The following CNTNAP4 variants were observed in gnomAD, a reference collection of about 807,000 sequenced individuals.
The protein encoded by CNTNAP4 is contactin associated protein family member 4.
A neutral mutation model predicts 148.4 loss-of-function variants in CNTNAP4; 98 were observed. The observed-to-expected ratio is 0.66, with a 90% confidence interval of 0.56 to 0.78. The LOEUF is 0.78. Ranked by LOEUF, CNTNAP4 falls within the 30% of genes least tolerant of loss-of-function variation. The probability of loss-of-function intolerance (pLI) is 0.00; values close to 1 mark genes in which losing one functional copy is unlikely to be tolerated. For synonymous variants in CNTNAP4, 730 were observed against 565.1 expected, an observed-to-expected ratio of 1.29 and a Z score of -4.14; for missense variants, 1,935 against 1,565.6, an observed-to-expected ratio of 1.24 and a Z score of -3.98.
intron 3 of CNTNAP4, among the ~76,000 whole-genome samples, chr16:76,366,117 C>G (rs565275220): frequency 6.6e-6 from 1 of 151,742 alleles, no homozygotes; most frequent in Non-Finnish European, 1.5e-5. Flanking sequence ...TTTTTAGTTT[C>G]GTGTCAAATT....
At chr16:76,529,658 C>G (rs1338470798) in intron 17 of CNTNAP4, among the ~76,000 whole-genome samples, 1 of 152,208 alleles carries the variant, frequency 6.6e-6, no homozygotes, top group East Asian at 1.9e-4. Flanking sequence ...CTTTGTGACT[C>G]TCACCTGGAG....
chr16:76,457,331 T>C (rs2080773727), intron 8 of CNTNAP4, among the ~76,000 whole-genome samples: 1 of 152,220 alleles, frequency 6.6e-6, no homozygotes, highest in African/African-American at 2.4e-5. Flanking sequence ...TGACAGGTAT[T>C]AAGTCTCCTC....
intron 3 of CNTNAP4, among the ~76,000 whole-genome samples, chr16:76,415,147 G>A (rs1158650081): frequency 1.3e-5 from 2 of 151,052 alleles, no homozygotes; most frequent in East Asian, 3.9e-4. Flanking sequence ...TAACACAAAT[G>A]TATTTATGAA....
At chr16:76,319,091 C>G (rs906760226) in intron 2 of CNTNAP4, among the ~76,000 whole-genome samples, 3 of 151,610 alleles carry the variant, frequency 2.0e-5, no homozygotes, top group Non-Finnish European at 4.4e-5. Flanking sequence ...GGAAGGGGAT[C>G]AAAAAAAGGC....
chr16:76,440,692 T>C (rs1911244), intron 4 of CNTNAP4, among the ~76,000 whole-genome samples: 52,812 of 152,020 alleles, frequency 0.35, 10,991 homozygotes, highest in Non-Finnish European at 0.45. Flanking sequence ...TTCCAGAGAT[T>C]CTAATTTGGT....
At chr16:76,289,340 G>A (rs1050115648) in intron 1 of CNTNAP4, among the ~76,000 whole-genome samples, 14 of 152,186 alleles carry the variant, frequency 9.2e-5, no homozygotes, top group African/African-American at 3.4e-4. Context: ...CAAGTCTTTT[G>A]TATTGGTTTT....
intron 15 of CNTNAP4, among the ~76,000 whole-genome samples, chr16:76,511,409 A>G (rs1405157403): frequency 6.6e-6 from 1 of 152,176 alleles, no homozygotes; most frequent in Non-Finnish European, 1.5e-5. Flanking sequence ...TGTAGGCAAT[A>G]AATAACTTTG....
At chr16:76,528,323 T>C (rs1234607488) in intron 17 of CNTNAP4, among the ~76,000 whole-genome samples, 2 of 152,180 alleles carry the variant, frequency 1.3e-5, no homozygotes, top group Non-Finnish European at 2.9e-5. Flanking sequence ...TACAGTGGTG[T>C]GGTGCAATCT....
At chr16:76,488,949 T>C (rs2082117990) in intron 12 of CNTNAP4, among the ~76,000 whole-genome samples, 1 of 152,130 alleles carries the variant, frequency 6.6e-6, no homozygotes, top group South Asian at 2.1e-4. Flanking sequence ...ATATTTTACT[T>C]TTGTGTTAGT....
chr16:76,419,392 C>T (rs1597477117), intron 3 of CNTNAP4, among the ~76,000 whole-genome samples: 1 of 152,024 alleles, frequency 6.6e-6, no homozygotes, highest in South Asian at 2.1e-4. Flanking sequence ...TTTCCCACTT[C>T]CTGACAGAGC....
chr16:76,306,996 A>G (rs149549042), intron 1 of CNTNAP4, among the ~76,000 whole-genome samples: 91 of 152,288 alleles, frequency 6.0e-4, no homozygotes, highest in Non-Finnish European at 9.9e-4. Flanking sequence ...TGTTTTCACA[A>G]TGCTTAAATA....
chr16:76,523,145 C>G (rs1025151597), intron 17 of CNTNAP4, among the ~76,000 whole-genome samples: 1 of 151,746 alleles, frequency 6.6e-6, no homozygotes, highest in Non-Finnish European at 1.5e-5. Context: ...ATTATGATAC[C>G]AGGAATGTTT....
At chr16:76,334,464 G>A (rs1963846791) in intron 2 of CNTNAP4, among the ~76,000 whole-genome samples, 1 of 152,080 alleles carries the variant, frequency 6.6e-6, no homozygotes, top group Admixed American at 6.5e-5. Context: ...CCCAAACTGT[G>A]TCTCTGATGA....
intron 1 of CNTNAP4, chr16:76,310,013 G>T: frequency 3.2e-6 from 2 of 630,870 alleles, no homozygotes; most frequent in Admixed American, 2.4e-5. Flanking sequence ...TTATTATTTG[G>T]CTTCTTGCAC....
chr16:76,309,812 A>C, intron 1 of CNTNAP4: 1 of 699,684 alleles, frequency 1.4e-6, no homozygotes, highest in Non-Finnish European at 2.6e-6. Context: ...GTGTCATGAG[A>C]TCTGATGGGT....
At position 76,535,682 on chromosome 16, in the gene CNTNAP4, T is replaced by C; in HGVS notation, c.2893T>C (p.Tyr965His). 1 of 1,613,968 alleles carries C rather than the reference T, an allele frequency of 6.2e-7. No homozygotes were observed. Among genetic ancestry groups the C allele is most frequent in the Non-Finnish European group, 8.5e-7 (1 of 1,179,898 alleles). ...AGGTTGTAGGGGACATTGCAGCAGC[T>C]ATGGGAAGTTATGCCGCAATGGAGG... ...QPGCRGHCSS[Y>H]GKLCRNGGKC... Residue 965 changes from tyrosine to histidine, a missense_variant, in exon 18 of 24, where the codon TAT becomes CAT. Coordinates refer to ENST00000611870, the MANE Select transcript of CNTNAP4 (RefSeq NM_033401.5).
intron 3 of CNTNAP4, among the ~76,000 whole-genome samples, chr16:76,356,101 C>T (rs2012598728): frequency 6.6e-6 from 1 of 151,940 alleles, no homozygotes; most frequent in African/African-American, 2.4e-5. Context: ...ACTCGAACTC[C>T]TGGCCTCAAG....
intron 4 of CNTNAP4, among the ~76,000 whole-genome samples, chr16:76,433,725 T>C (rs4426371): frequency 0.99 from 150,422 of 152,230 alleles, 74,344 homozygotes; most frequent in East Asian, 1. Context: ...GTTAGATTTA[T>C]TAAAATGATA....
chr16:76,313,942 A>G (rs539516314), intron 1 of CNTNAP4, among the ~76,000 whole-genome samples: 2 of 152,306 alleles, frequency 1.3e-5, no homozygotes, highest in South Asian at 4.1e-4. Context: ...ACAACTTAAG[A>G]GTATAAAATA....
Sources: gnomAD v4.1 joint callset for allele counts (sites outside exome capture counted in the v4.1 genomes callset) on GRCh38, gnomAD v4.1.1 for gene constraint, MANE v1.5 for transcripts, NCBI Gene and HGNC (gene_info 2026-07-23, HGNC 2026-07-21) for gene names.